The following GUCY1A2 variants were observed in gnomAD, a reference collection of about 807,000 sequenced individuals.
The protein encoded by GUCY1A2 is guanylate cyclase 1 soluble subunit alpha 2.
GUCY1A2 carries 27 observed loss-of-function variants against 63.5 expected under a neutral mutation model. That is an observed-to-expected ratio of 0.43 (90% confidence interval 0.31 to 0.59). The LOEUF is 0.59. GUCY1A2 is among the 20% of genes least tolerant of loss of function. GUCY1A2 has a pLI of 0.11. For synonymous variants in GUCY1A2, 364 were observed against 343.5 expected, an observed-to-expected ratio of 1.06 and a Z score of -0.66; for missense variants, 768 against 913.3, an observed-to-expected ratio of 0.84 and a Z score of 2.05.
intron 6 of GUCY1A2, among the ~76,000 whole-genome samples, chr11:106,713,440 A>G (rs1254167333): frequency 6.6e-6 from 1 of 151,726 alleles, no homozygotes; most frequent in Admixed American, 6.6e-5. Context: ...AAACAAACTA[A>G]GTGTAAAGCA....
chr11:106,828,526 C>G (rs1295353764), intron 4 of GUCY1A2, among the ~76,000 whole-genome samples: 2 of 152,064 alleles, frequency 1.3e-5, no homozygotes, highest in Non-Finnish European at 2.9e-5. Context: ...GGCCTTATTT[C>G]AGAATTTTTT....
intron 3 of GUCY1A2, among the ~76,000 whole-genome samples, chr11:106,970,626 T>G (rs1322299711): frequency 6.6e-6 from 1 of 152,158 alleles, no homozygotes; most frequent in Non-Finnish European, 1.5e-5. Flanking sequence ...GTCTCATTCA[T>G]TGCTTTTGGA....
intron 4 of GUCY1A2, among the ~76,000 whole-genome samples, chr11:106,868,415 A>G (rs542353324): frequency 6.6e-6 from 1 of 152,294 alleles, no homozygotes; most frequent in South Asian, 2.1e-4. Context: ...AAGTCTCAGG[A>G]TACAAAATCA....
chr11:106,766,746 A>G (rs1170591828), intron 6 of GUCY1A2, among the ~76,000 whole-genome samples: 1 of 152,076 alleles, frequency 6.6e-6, no homozygotes. Flanking sequence ...ATCATTTTTC[A>G]TATTGTAAGA....
intron 5 of GUCY1A2, among the ~76,000 whole-genome samples, chr11:106,801,263 C>T (rs1235776154): frequency 6.6e-6 from 1 of 152,078 alleles, no homozygotes; most frequent in Non-Finnish European, 1.5e-5. Flanking sequence ...CATTGAGGGC[C>T]TCATGTTTGT....
intron 6 of GUCY1A2, among the ~76,000 whole-genome samples, chr11:106,711,380 T>G (rs1863115947): frequency 6.6e-6 from 1 of 152,162 alleles, no homozygotes; most frequent in South Asian, 2.1e-4. Flanking sequence ...TAAAAATAAT[T>G]GTATTAATTA....
chr11:106,781,423 T>G (rs1293079264), intron 5 of GUCY1A2, among the ~76,000 whole-genome samples: 4 of 152,182 alleles, frequency 2.6e-5, no homozygotes, highest in Non-Finnish European at 5.9e-5. Flanking sequence ...CCCTTACATA[T>G]TACTATAGCT....
chr11:106,769,011 TC>T (rs1864209838), intron 6 of GUCY1A2, among the ~76,000 whole-genome samples: 1 of 152,014 alleles, frequency 6.6e-6, no homozygotes, highest in Admixed American at 6.6e-5. Context: ...CAGCTTTAAA[TC>T]CCCTGATCGC....
intron 4 of GUCY1A2, among the ~76,000 whole-genome samples, chr11:106,833,307 A>G (rs2135438241): frequency 6.6e-6 from 1 of 152,220 alleles, no homozygotes; most frequent in African/African-American, 2.4e-5. Flanking sequence ...AGGACTTCAA[A>G]GTATCTTAGG....
chr11:106,695,224 C>G (rs1277742886), intron 7 of GUCY1A2, among the ~76,000 whole-genome samples: 2 of 152,042 alleles, frequency 1.3e-5, no homozygotes, highest in South Asian at 2.1e-4. Context: ...TTTGTTCCAA[C>G]AAAATGGAAG....
At chr11:107,009,289 T>G (rs867834585) in intron 1 of GUCY1A2, among the ~76,000 whole-genome samples, 1 of 152,210 alleles carries the variant, frequency 6.6e-6, no homozygotes, top group Non-Finnish European at 1.5e-5. Flanking sequence ...AATTCTGGCA[T>G]TCAGATCTGT....
At chr11:106,807,310 T>C (rs1465740471) in intron 5 of GUCY1A2, among the ~76,000 whole-genome samples, 1 of 152,194 alleles carries the variant, frequency 6.6e-6, no homozygotes, top group Non-Finnish European at 1.5e-5. Flanking sequence ...CTGTGTGTAT[T>C]TTCTAGAAAA....
chr11:106,682,616 C>A lies in GUCY1A2; in HGVS notation c.*4933G>T, dbSNP rs887357454. Reference sequence around the variant, plus strand: ...AACATATTAGAAATAAAGACACAAACTTTACTTCTCTGCATTCCCAAGTCC... The same window carrying A: ...AACATATTAGAAATAAAGACACAAAATTTACTTCTCTGCATTCCCAAGTCC... On this transcript the variant is annotated 3_prime_UTR_variant, in exon 8 of 8. Transcript: ENST00000526355. 4 of 211,884 alleles carry A rather than the reference C, an allele frequency of 1.9e-5. No individual in the cohort carries two copies. The highest frequency in any genetic ancestry group is 6.8e-5 in the African/African-American group (3 of 44,144). 13.1% of individuals were successfully genotyped at this position (211,884 alleles called of 1,614,324 possible).
At position 106,677,032 on chromosome 11, in the gene GUCY1A2, C is replaced by T. The variant is rs1034830322; in HGVS notation, c.*10517G>A. The T allele has an allele frequency of 1.1e-4, 23 of 213,712 alleles. No individual in the cohort carries two copies. Among genetic ancestry groups the T allele is most frequent in the East Asian group, 6.9e-5 (1 of 14,546 alleles). 13.2% of individuals were successfully genotyped at this position (213,712 alleles called of 1,614,324 possible). A position where few individuals can be genotyped will look rare whatever the true frequency, so the allele number is the denominator to read the frequency against. On this transcript the variant is annotated 3_prime_UTR_variant, in exon 8 of 8. Coordinates refer to ENST00000526355, the MANE Select transcript of GUCY1A2 (RefSeq NM_000855.3). ...TCTATCCTCAACTGATCTGCATCTA[C>T]GTGCTCATCTTCTTTCCCCTTTTCT... is the stretch of plus-strand genomic sequence containing the variant.
chr11:106,926,739 A>C lies in GUCY1A2; in HGVS notation c.1206+12721T>G, dbSNP rs113813279. ...GTATCGGCAGTGCCCCGGAGGTCAC[A>C]CTGTAAAACAATGGTTCACTCGAAA... On this transcript the variant is annotated intron_variant, in intron 4 of 7. Coordinates refer to ENST00000526355, the MANE Select transcript of GUCY1A2 (RefSeq NM_000855.3). 2.6e-3 allele frequency among the ~76,000 whole-genome samples: 403 copies of C among 152,100 alleles called. 2 individuals are homozygous for C. The highest frequency in any genetic ancestry group is 7.3e-3 in the South Asian group (35 of 4,794).
Position 106,939,551 on chromosome 11 carries a change from T to G in GUCY1A2, c.1115A>C (p.Asn372Thr). The part of the protein sequence containing the change: ...DCFEIVSPKV[N>T]ATFERVLLRL... ...CAGCAGGACCCTTTCAAAGGTGGCA[T>G]TAACCTTTGGAGATACAATCTCGAA... The change falls in exon 4 of 8, where the codon AAT becomes ACT. Residue 372 changes from asparagine (N) to threonine (T), a missense_variant. By Grantham distance (65) the Asn-to-Thr change is moderately conservative (BLOSUM62 0). Around this residue, in one of 3 missense-constraint regions of GUCY1A2, gnomAD observed 496 missense variants for 486.9 expected, o/e 1.02. Coordinates refer to ENST00000526355, the MANE Select transcript of GUCY1A2 (RefSeq NM_000855.3). 5 of 1,613,334 alleles carry G rather than the reference T, an allele frequency of 3.1e-6. No individual in the cohort carries two copies. The highest frequency in any genetic ancestry group is 4.2e-6 in the Non-Finnish European group (5 of 1,179,252).
At chr11:106,934,551 G>C (rs368599410) in intron 4 of GUCY1A2, among the ~76,000 whole-genome samples, 3 of 152,132 alleles carry the variant, frequency 2.0e-5, no homozygotes, top group Admixed American at 6.6e-5. Flanking sequence ...AAAGATAAGA[G>C]AGTATTCTGA....
chr11:106,949,423 T>C (rs1444104248), intron 3 of GUCY1A2, among the ~76,000 whole-genome samples: 1 of 152,158 alleles, frequency 6.6e-6, no homozygotes, highest in Non-Finnish European at 1.5e-5. Flanking sequence ...CTTCTGTACA[T>C]GGCTGGTTCT....
intron 4 of GUCY1A2, among the ~76,000 whole-genome samples, chr11:106,855,893 T>TTTTCTTTTTTTATTTA (rs536833371): frequency 1.3e-4 from 12 of 94,428 alleles, no homozygotes; most frequent in African/African-American, 4.2e-4. Context: ...GTCTCTTGTA[T>TTTTCTTTTTTTATTTA]TTTATTTATT....
Sources: allele counts gnomAD v4.1 joint callset (sites outside exome capture counted in the v4.1 genomes callset), GRCh38; gene constraint gnomAD v4.1.1; regional missense constraint gnomAD v4.1.1; transcripts MANE v1.5; gene names NCBI Gene and HGNC (gene_info 2026-07-23, HGNC 2026-07-21).